The following CCDC85C variants were observed in gnomAD, a reference collection of about 807,000 sequenced individuals.
CCDC85C encodes coiled-coil domain-containing protein 85C.
A neutral mutation model predicts 38.3 loss-of-function variants in CCDC85C; 18 were observed. The ratio of observed to expected loss-of-function variants is 0.47; its 90% CI spans 0.33 to 0.70. The LOEUF is 0.70. Among genes scored for constraint, CCDC85C ranks in the 30% least tolerant of loss-of-function variants. CCDC85C has a pLI of 0.03. For missense variants in CCDC85C, 566 were observed against 621.2 expected, an observed-to-expected ratio of 0.91 and a Z score of 0.94; for synonymous variants, 264 against 293.8, an observed-to-expected ratio of 0.90 and a Z score of 1.04.
rs1433986474 is a variant in CCDC85C, at chr14:99,603,275, G to A, written c.685C>T (p.Pro229Ser). 15 of 1,381,580 alleles carry A rather than the reference G, an allele frequency of 1.1e-5. No individual in the cohort carries two copies. Among genetic ancestry groups the A allele is most frequent in the East Asian group, 3.1e-5 (1 of 32,714 alleles). The allele number at this position is 1,381,580 out of a possible 1,614,324, so 85.6% of individuals were successfully genotyped here. A position where few individuals can be genotyped will look rare whatever the true frequency, so the allele number is the denominator to read the frequency against. ...HHHHVPPPLL[P>S]PGPHKAPDGK... ...TCGGGGGCCTTGTGCGGCCCGGGGG[G>A]CAGCAGCGGGGGTGGGACGTGGTGG... The change falls in exon 1 of 6, where the codon CCC becomes TCC. Residue 229 changes from proline to serine, a missense_variant. Physicochemically the swap from Pro to Ser is moderately conservative, Grantham distance 74. This residue lies in a region of CCDC85C where 286 missense variants were observed against 276.4 expected (regional missense o/e 1.03). Coordinates refer to ENST00000380243, the MANE Select transcript of CCDC85C (RefSeq NM_001144995.2). The surrounding 1 kb of genome is among the most constrained non-coding windows in gnomAD (Gnocchi z 7.5).
chr14:99,504,083 C>T lies in CCDC85C; in HGVS notation c.*11163G>A. 1 of 386,432 alleles carries T rather than the reference C, an allele frequency of 2.6e-6. No individual in the cohort carries two copies. The highest frequency in any genetic ancestry group is 3.2e-5 in the Admixed American group (1 of 30,986). 23.9% of individuals were successfully genotyped at this position (386,432 alleles called of 1,614,324 possible). A position where few individuals can be genotyped will look rare whatever the true frequency, so the allele number is the denominator to read the frequency against. ...GCCCAGCTGCCCTTGCAGGCAAGGC[C>T]TCTTTGAAACACACTTGGGTTGAGG... On this transcript the variant is annotated 3_prime_UTR_variant, in exon 6 of 6. Transcript: ENST00000380243.
chr14:99,518,039 G>A (rs1227646058), intron 3 of CCDC85C, among the ~76,000 whole-genome samples: 5 of 152,162 alleles, frequency 3.3e-5, no homozygotes, highest in African/African-American at 1.2e-4. Flanking sequence ...GGCAATCCTT[G>A]GGCCAACCAT....
chr14:99,567,351 G>C (rs987597874), intron 1 of CCDC85C, among the ~76,000 whole-genome samples: 1 of 152,174 alleles, frequency 6.6e-6, no homozygotes, highest in Admixed American at 6.5e-5. Context: ...GTCACAGGAG[G>C]GACAGAAGTT....
intron 1 of CCDC85C, among the ~76,000 whole-genome samples, chr14:99,550,165 A>C (rs967171325): frequency 1.3e-5 from 2 of 152,242 alleles, no homozygotes; most frequent in African/African-American, 4.8e-5. Flanking sequence ...GGATCTCTGA[A>C]TGCTATCTGA....
At chr14:99,517,802 A>T (rs1897250059) in intron 3 of CCDC85C, among the ~76,000 whole-genome samples, 1 of 152,160 alleles carries the variant, frequency 6.6e-6, no homozygotes, top group Admixed American at 6.5e-5. Flanking sequence ...TCCCACCCCC[A>T]GCTTCCTGCC....
rs562360185 is a variant in CCDC85C at position 99,509,791 on chromosome 14, T to G, written c.*5455A>C. 1.9e-3 allele frequency: 587 copies of G among 307,710 alleles called. 2 individuals are homozygous for G. Among genetic ancestry groups the G allele is most frequent in the Non-Finnish European group, 3.2e-3 (533 of 165,628 alleles). 19.1% of individuals were successfully genotyped at this position (307,710 alleles called of 1,614,324 possible). ...AGGAGTTCAGTGTGGCCCTGACCCC[T>G]GGGGTCAGTTTCTGAAGGCAGAAAA... On this transcript the variant is annotated 3_prime_UTR_variant, in exon 6 of 6. Transcript: ENST00000380243.
At chr14:99,580,471 G>A (rs1273767463) in intron 1 of CCDC85C, among the ~76,000 whole-genome samples, 1 of 147,576 alleles carries the variant, frequency 6.8e-6, no homozygotes, top group Non-Finnish European at 1.5e-5. Context: ...CCCAGTGAGG[G>A]GAGGGGGGGA....
intron 2 of CCDC85C, chr14:99,522,582 T>TC: frequency 4.8e-6 from 1 of 206,492 alleles, no homozygotes; most frequent in East Asian, 1.4e-4. Flanking sequence ...GCTCCTCCGC[T>TC]CCAACTTCCT....
chr14:99,575,117 C>T (rs1323758075), intron 1 of CCDC85C, among the ~76,000 whole-genome samples: 2 of 152,248 alleles, frequency 1.3e-5, no homozygotes, highest in Non-Finnish European at 2.9e-5. Context: ...GGGTGCTCTT[C>T]CTTCCTGCTG....
At chr14:99,518,662 G>A (rs544087479) in intron 3 of CCDC85C, among the ~76,000 whole-genome samples, 18 of 152,284 alleles carry the variant, frequency 1.2e-4, no homozygotes, top group Non-Finnish European at 1.9e-4. Context: ...TGCACCTTCC[G>A]CTGCAGAACA....
Position 99,558,920 on chromosome 14 carries a change from C to T in CCDC85C, c.794-22832G>A, listed in dbSNP as rs928469528. 1.6e-4 allele frequency among the ~76,000 whole-genome samples: 25 copies of T among 152,144 alleles called. No homozygotes were observed. The highest frequency in any genetic ancestry group is 6.5e-5 in the Admixed American group (1 of 15,278). ...GGTTTCTGATGGTTTAGTGCCACCC[C>T]CTATTGCTGTTCTTGTGATACAGTT... is the stretch of plus-strand genomic sequence containing the variant. On this transcript the variant is annotated intron_variant, in intron 1 of 5. Coordinates refer to ENST00000380243, the MANE Select transcript of CCDC85C (RefSeq NM_001144995.2). The surrounding 1 kb of genome is among the most constrained non-coding windows in gnomAD (Gnocchi z 4.2).
intron 2 of CCDC85C, among the ~76,000 whole-genome samples, chr14:99,528,104 C>T (rs971590303): frequency 3.3e-5 from 5 of 152,232 alleles, no homozygotes; most frequent in Middle Eastern, 3.4e-3. Context: ...CAGGAAAGAA[C>T]GGGAGGGTGC....
intron 1 of CCDC85C, among the ~76,000 whole-genome samples, chr14:99,568,049 G>A (rs1432726979): frequency 1.3e-5 from 2 of 152,012 alleles, no homozygotes; most frequent in African/African-American, 2.4e-5. Flanking sequence ...TCTAGATGCA[G>A]AGACTCCAGG....
At position 99,507,476 on chromosome 14, in the gene CCDC85C, G is replaced by T; in HGVS notation, c.*7770C>A. 3.5e-6 allele frequency: 1 copy of T among 289,632 alleles called. No individual in the cohort carries two copies. 17.9% of individuals were successfully genotyped at this position (289,632 alleles called of 1,614,324 possible). A position where few individuals can be genotyped will look rare whatever the true frequency, so the allele number is the denominator to read the frequency against. Reference sequence around the variant, plus strand: ...ACTACTTAGGAGTCTGAGATGGGAAGATCATTTGAGCCCTGGGCAGTCAAG... The same window carrying T: ...ACTACTTAGGAGTCTGAGATGGGAATATCATTTGAGCCCTGGGCAGTCAAG... On this transcript the variant is annotated 3_prime_UTR_variant, in exon 6 of 6. Coordinates refer to ENST00000380243, the MANE Select transcript of CCDC85C (RefSeq NM_001144995.2).
At chr14:99,528,922 G>C (rs573666980) in intron 2 of CCDC85C, among the ~76,000 whole-genome samples, 25 of 152,226 alleles carry the variant, frequency 1.6e-4, no homozygotes, top group African/African-American at 5.8e-4. Flanking sequence ...GATCTGTGCA[G>C]CAAACTACCA....
At position 99,604,187 on chromosome 14, in the gene CCDC85C, G is replaced by A. The variant is rs2082466346; in HGVS notation, c.-228C>T. 1.3e-5 allele frequency among the ~76,000 whole-genome samples: 2 copies of A among 148,272 alleles called. No individual in the cohort carries two copies. The highest frequency in any genetic ancestry group is 4.9e-5 in the African/African-American group (2 of 41,080). ...CGGCTGCTGCGTCGGCGGCCGCGGTGCCGGGCGCTCTCAGGGTTCTGGAGA... is the reference window on the plus strand; with the variant it reads ...CGGCTGCTGCGTCGGCGGCCGCGGTACCGGGCGCTCTCAGGGTTCTGGAGA... On this transcript the variant is annotated 5_prime_UTR_variant, in exon 1 of 6. Transcript: ENST00000380243.
chr14:99,559,241 T>C (rs1373209557), intron 1 of CCDC85C, among the ~76,000 whole-genome samples: 4 of 151,458 alleles, frequency 2.6e-5, no homozygotes, highest in Non-Finnish European at 2.9e-5. Context: ...CAAAAGGAAC[T>C]GGCCCCGCTG....
intron 1 of CCDC85C, among the ~76,000 whole-genome samples, chr14:99,584,495 C>G (rs1279993129): frequency 6.6e-6 from 1 of 152,170 alleles, no homozygotes; most frequent in African/African-American, 2.4e-5. Flanking sequence ...CCCCCTTGCA[C>G]AGAGACCAAA....
chr14:99,577,787 TCCC>T (rs574463622), intron 1 of CCDC85C, among the ~76,000 whole-genome samples: 2 of 141,238 alleles, frequency 1.4e-5, no homozygotes, highest in African/African-American at 2.8e-5. Context: ...CCGTCCTGTA[TCCC>T]CCATCAGTGT....
Sources: allele counts gnomAD v4.1 joint callset (sites outside exome capture counted in the v4.1 genomes callset), GRCh38; gene constraint gnomAD v4.1.1; regional missense constraint gnomAD v4.1.1; non-coding constraint Gnocchi (gnomAD v3.1); transcripts MANE v1.5; gene names NCBI Gene and HGNC (gene_info 2026-07-23, HGNC 2026-07-21).